RGS9: variants seen among roughly 807,000 people sequenced by gnomAD.
The protein encoded by RGS9 is regulator of G protein signaling 9, also known as regulator of G-protein signalling 9.
A neutral mutation model predicts 102.0 loss-of-function variants in RGS9; 78 were observed. The ratio of observed to expected loss-of-function variants is 0.76; its 90% CI spans 0.64 to 0.92. RGS9 has a LOEUF of 0.92. Ranked by LOEUF, RGS9 falls within the 40% of genes least tolerant of loss-of-function variation. The probability of loss-of-function intolerance (pLI) is 0.00; values close to 1 mark genes in which losing one functional copy is unlikely to be tolerated. For synonymous variants in RGS9, 353 were observed against 318.6 expected (o/e 1.11, Z -1.15); for missense variants, 833 against 866.1 (o/e 0.96, Z 0.48).
intron 1 of RGS9, among the ~76,000 whole-genome samples, chr17:65,139,803 A>T (rs1274425738): frequency 6.6e-6 from 1 of 152,114 alleles, no homozygotes; most frequent in African/African-American, 2.4e-5. Context: ...CTCTATATCT[A>T]TGTATGTATT....
At chr17:65,153,865 G>T (rs1910676137) in intron 2 of RGS9, among the ~76,000 whole-genome samples, 1 of 152,202 alleles carries the variant, frequency 6.6e-6, no homozygotes, top group Non-Finnish European at 1.5e-5. Flanking sequence ...ACTCCAGCCT[G>T]GGCGACAGAG....
At chr17:65,177,925 A>T (rs767560615) in intron 9 of RGS9, 122 bp downstream of exon 9, 1 of 816,672 alleles carries the variant, frequency 1.2e-6, no homozygotes, top group Non-Finnish European at 2.1e-6. Flanking sequence ...TATCAAAGAG[A>T]GGAGGACCGT....
chr17:65,177,933 C>A, intron 9 of RGS9, 130 bp downstream of exon 9: 1 of 783,064 alleles, frequency 1.3e-6, no homozygotes, highest in East Asian at 2.6e-5. Context: ...AGAGGAGGAC[C>A]GTGGGCTCTG....
chr17:65,216,509 C>T (rs146842449), intron 17 of RGS9, among the ~76,000 whole-genome samples: 1,523 of 152,264 alleles, frequency 0.01, 37 homozygotes, highest in African/African-American at 0.035. Context: ...TGGTGGCAGG[C>T]GCCTGTAGTC....
intron 2 of RGS9, among the ~76,000 whole-genome samples, chr17:65,155,950 T>A (rs143759434): frequency 5.3e-5 from 8 of 152,332 alleles, no homozygotes; most frequent in Middle Eastern, 3.4e-3. Context: ...TTCATGTCCT[T>A]AAGCTCATTT....
chr17:65,146,950 C>CA (rs1266393158), intron 1 of RGS9, among the ~76,000 whole-genome samples: 2 of 152,094 alleles, frequency 1.3e-5, no homozygotes, highest in African/African-American at 4.8e-5. Flanking sequence ...GACCTGAGGT[C>CA]ACAGTTAGTG....
chr17:65,212,247 C>T lies in RGS9; in HGVS notation c.1407+1642C>T, dbSNP rs141883520. Among the ~76,000 whole-genome samples, 394 of 152,112 alleles carry T rather than the reference C, an allele frequency of 2.6e-3. 2 individuals are homozygous for T. The highest frequency in any genetic ancestry group is 3.3e-3 in the Non-Finnish European group (223 of 68,012). Reference sequence around the variant, plus strand: ...TGAGAGAAATTTCAAAGTCTCATGGCGAAAGATGGATGAAATTTCAAAGTC... The same window carrying T: ...TGAGAGAAATTTCAAAGTCTCATGGTGAAAGATGGATGAAATTTCAAAGTC... On this transcript the variant is annotated intron_variant, in intron 17 of 18. Transcript: ENST00000262406.
rs1406808620 is a variant in RGS9 at position 65,227,499 on chromosome 17, C to A, written c.*92C>A. 9 of 1,502,648 alleles carry A rather than the reference C, an allele frequency of 6.0e-6. No individual in the cohort carries two copies. Among genetic ancestry groups the A allele is most frequent in the Non-Finnish European group, 8.1e-6 (9 of 1,104,964 alleles). 93.1% of individuals were successfully genotyped at this position (1,502,648 alleles called of 1,614,324 possible). ...GCCACAGGACACACTTGCTCGAGAA[C>A]CAAAGTGCATTTGGGTGACATTTGA... On this transcript the variant is annotated 3_prime_UTR_variant, in exon 19 of 19. Coordinates refer to ENST00000262406, the MANE Select transcript of RGS9 (RefSeq NM_003835.4).
chr17:65,216,762 C>T (rs944225450), intron 17 of RGS9, among the ~76,000 whole-genome samples: 1 of 152,136 alleles, frequency 6.6e-6, no homozygotes, highest in African/African-American at 2.4e-5. Flanking sequence ...ATAACGGATG[C>T]AGAACTGAAT....
intron 13 of RGS9, among the ~76,000 whole-genome samples, chr17:65,199,419 G>GTCTT (rs931092528): frequency 2.8e-5 from 4 of 143,220 alleles, no homozygotes; most frequent in African/African-American, 1.0e-4. Context: ...GTGACCTTTT[G>GTCTT]TCTTTTTTCA....
At chr17:65,187,657 C>T (rs1912174693) in intron 9 of RGS9, among the ~76,000 whole-genome samples, 2 of 152,110 alleles carry the variant, frequency 1.3e-5, no homozygotes, top group African/African-American at 4.8e-5. Context: ...CAAGTGAAGA[C>T]TTGGGTGGGT....
chr17:65,221,746 C>T (rs1230033964), intron 17 of RGS9, among the ~76,000 whole-genome samples: 4 of 152,190 alleles, frequency 2.6e-5, no homozygotes, highest in African/African-American at 9.7e-5. Context: ...GATTCGGGGT[C>T]TGGTGGAGTC....
intron 16 of RGS9, among the ~76,000 whole-genome samples, chr17:65,210,136 C>G (rs150467499): frequency 7.2e-5 from 11 of 152,286 alleles, no homozygotes; most frequent in African/African-American, 2.6e-4. Context: ...TGCTCCAACT[C>G]TCTCCAGTAC....
At chr17:65,162,282 T>C (rs550213087) in intron 6 of RGS9, among the ~76,000 whole-genome samples, 1 of 152,112 alleles carries the variant, frequency 6.6e-6, no homozygotes, top group African/African-American at 2.4e-5. Flanking sequence ...TCCTAGCTAC[T>C]GAGGCAGGAG....
chr17:65,205,534 T>C (rs991007344), intron 15 of RGS9, among the ~76,000 whole-genome samples: 17 of 152,134 alleles, frequency 1.1e-4, no homozygotes, highest in African/African-American at 3.9e-4. Context: ...TTATGTGATA[T>C]AGGCTATTTG....
chr17:65,194,026 T>A (rs975258256), intron 12 of RGS9, among the ~76,000 whole-genome samples: 1 of 152,116 alleles, frequency 6.6e-6, no homozygotes. Context: ...TTCGAGCAAG[T>A]TTCTAAGAAG....
chr17:65,198,536 G>C (rs1377337740), intron 13 of RGS9, among the ~76,000 whole-genome samples: 2 of 152,206 alleles, frequency 1.3e-5, no homozygotes, highest in Non-Finnish European at 2.9e-5. Flanking sequence ...GATTACAGGC[G>C]TGAGCCACTG....
At chr17:65,150,490 C>T (rs544914272) in intron 1 of RGS9, among the ~76,000 whole-genome samples, 6 of 152,092 alleles carry the variant, frequency 3.9e-5, no homozygotes, top group South Asian at 2.1e-4. Flanking sequence ...GGCGTGGTGG[C>T]GGGCACCTGT....
intron 13 of RGS9, among the ~76,000 whole-genome samples, chr17:65,198,673 T>A (rs1912695135): frequency 6.6e-6 from 1 of 152,246 alleles, no homozygotes; most frequent in Non-Finnish European, 1.5e-5. Context: ...TTTACGGGAT[T>A]CTTTTACTTC....
Sources: gnomAD v4.1 joint callset for allele counts (sites outside exome capture counted in the v4.1 genomes callset) on GRCh38, gnomAD v4.1.1 for gene constraint, MANE v1.5 for transcripts, NCBI Gene and HGNC (gene_info 2026-07-23, HGNC 2026-07-21) for gene names.